The following FGGY variants were observed in gnomAD, a reference collection of about 807,000 sequenced individuals.
FGGY encodes the protein FGGY carbohydrate kinase domain-containing protein.
Under a neutral mutation model 71.3 loss-of-function variants are expected in FGGY, and 72 were observed. The ratio of observed to expected loss-of-function variants is 1.01; its 90% CI spans 0.84 to 1.23. FGGY has a LOEUF of 1.23. Among genes scored for constraint, FGGY ranks in the 50% most tolerant of loss-of-function variants. The pLI is 0.00. For synonymous variants in FGGY, 251 were observed against 250.3 expected (o/e 1.00, Z -0.02); for missense variants, 668 against 682.3 (o/e 0.98, Z 0.23).
intron 7 of FGGY, among the ~76,000 whole-genome samples, chr1:59,529,454 G>T (rs1259057244): frequency 6.6e-6 from 1 of 152,134 alleles, no homozygotes; most frequent in Admixed American, 6.5e-5. Flanking sequence ...GAATGAATCT[G>T]GGAGAATAGG....
intron 5 of FGGY, among the ~76,000 whole-genome samples, chr1:59,430,856 C>T (rs1266554987): frequency 6.6e-6 from 1 of 152,182 alleles, no homozygotes; most frequent in Non-Finnish European, 1.5e-5. Context: ...CTTAAGGGCA[C>T]ACTTTTCATT....
At chr1:59,647,389 A>G (rs1317365990) in intron 11 of FGGY, among the ~76,000 whole-genome samples, 2 of 152,202 alleles carry the variant, frequency 1.3e-5, no homozygotes, top group Non-Finnish European at 2.9e-5. Context: ...GAATTCACCA[A>G]TAGAGTAAGG....
intron 2 of FGGY, among the ~76,000 whole-genome samples, chr1:59,338,703 T>A (rs555755495): frequency 3.3e-5 from 5 of 152,162 alleles, no homozygotes; most frequent in Non-Finnish European, 7.4e-5. Context: ...GTATTTCATT[T>A]TACAAACATG....
intron 4 of FGGY, among the ~76,000 whole-genome samples, 170 bp downstream of exon 4, chr1:59,346,568 T>C (rs1274084776): frequency 2.0e-5 from 3 of 152,176 alleles, no homozygotes; most frequent in Admixed American, 6.5e-5. Context: ...AAATCACACC[T>C]GTTTTTATGT....
In FGGY at chr1:59,450,376, G is replaced by T. The variant is rs372024305; in HGVS notation, c.555-6585G>T. ...AAGATTTAAATTCAATTTTTTTAAA[G>T]AAATTTATGTCTGTTGTATTTACTC... is the stretch of plus-strand genomic sequence containing the variant. On this transcript the variant is annotated intron_variant, in intron 5 of 15. Transcript: ENST00000303721. Among the ~76,000 whole-genome samples the T allele has an allele frequency of 3.3e-5, 5 of 152,164 alleles. No homozygotes were observed. The East Asian group carries it at 9.6e-4, about 29-fold the overall frequency.
chr1:59,516,115 C>A (rs1422231295), intron 7 of FGGY, among the ~76,000 whole-genome samples: 4 of 152,118 alleles, frequency 2.6e-5, no homozygotes, highest in Non-Finnish European at 5.9e-5. Context: ...ATGCCTCTTT[C>A]TTTACCCTTC....
chr1:59,340,183 G>A, intron 3 of FGGY, 114 bp downstream of exon 3: 4 of 694,684 alleles, frequency 5.8e-6, no homozygotes, highest in Non-Finnish European at 9.8e-6. Context: ...AAAATTTAGA[G>A]GTAGAGTGAA....
Position 59,641,670 on chromosome 1 carries a change from T to A in FGGY, c.1221+3295T>A, listed in dbSNP as rs1189082858. ...AGCCTTTTTCTGCTTCTCTTGAAAA[T>A]ATTTGTAAAAATGCAAAAAAGTCAT... On this transcript the variant is annotated intron_variant, in intron 11 of 15. Coordinates refer to ENST00000303721, the MANE Select transcript of FGGY (RefSeq NM_018291.5). Among the ~76,000 whole-genome samples the A allele has an allele frequency of 2.0e-5, 3 of 152,312 alleles. No individual in the cohort carries two copies. In the East Asian group the frequency reaches 5.8e-4, roughly 29 times the overall value.
At chr1:59,629,896 A>G (rs2096892699) in intron 10 of FGGY, among the ~76,000 whole-genome samples, 1 of 152,206 alleles carries the variant, frequency 6.6e-6, no homozygotes, top group Non-Finnish European at 1.5e-5. Context: ...TTGTAAACTG[A>G]ATTGTGACAA....
intron 5 of FGGY, among the ~76,000 whole-genome samples, chr1:59,403,714 T>C (rs1484897388): frequency 1.3e-5 from 2 of 152,122 alleles, no homozygotes; most frequent in Non-Finnish European, 2.9e-5. Flanking sequence ...TTGGGGAGCA[T>C]TTAGAGAAGA....
At chr1:59,392,982 C>T (rs1004389743) in intron 5 of FGGY, among the ~76,000 whole-genome samples, 5 of 152,138 alleles carry the variant, frequency 3.3e-5, no homozygotes, top group Non-Finnish European at 5.9e-5. Flanking sequence ...TTTTCAAAAG[C>T]GGAGCACTCT....
In FGGY at chr1:59,334,181, C is replaced by T. The variant is rs539608788; in HGVS notation, c.202-5777C>T. On this transcript the variant is annotated intron_variant, in intron 2 of 15. Coordinates refer to ENST00000303721, the MANE Select transcript of FGGY (RefSeq NM_018291.5). Reference sequence around the variant, plus strand: ...TTTTTGAGATGGAGTCTCATTCTGTCGCCCAGGCTGGAGTACAGTTGCATG... The same window carrying T: ...TTTTTGAGATGGAGTCTCATTCTGTTGCCCAGGCTGGAGTACAGTTGCATG... Among the ~76,000 whole-genome samples the T allele has an allele frequency of 5.8e-4, 89 of 152,206 alleles. 1 individual carries two copies. Among genetic ancestry groups the T allele is most frequent in the African/African-American group, 1.9e-3 (79 of 41,530 alleles).
At chr1:59,410,978 C>T (rs947679480) in intron 5 of FGGY, among the ~76,000 whole-genome samples, 2 of 152,202 alleles carry the variant, frequency 1.3e-5, no homozygotes, top group African/African-American at 2.4e-5. Flanking sequence ...CTCCTACCAA[C>T]ATCTTACATA....
chr1:59,486,674 T>C (rs146253899), intron 6 of FGGY, among the ~76,000 whole-genome samples: 24 of 152,258 alleles, frequency 1.6e-4, no homozygotes, highest in African/African-American at 5.5e-4. Context: ...TACCTTCTTA[T>C]CCTCCTGGTC....
chr1:59,659,527 A>T (rs1031911646), intron 11 of FGGY, among the ~76,000 whole-genome samples: 1 of 152,206 alleles, frequency 6.6e-6, no homozygotes, highest in African/African-American at 2.4e-5. Context: ...TGAAGAACCC[A>T]GCAGCCCTCA....
At chr1:59,298,073 T>G (rs893297322) in intron 1 of FGGY, among the ~76,000 whole-genome samples, 1 of 152,250 alleles carries the variant, frequency 6.6e-6, no homozygotes, top group Admixed American at 6.5e-5. Flanking sequence ...GGCTGTTATT[T>G]AAATGGTAGA....
intron 3 of FGGY, among the ~76,000 whole-genome samples, chr1:59,341,758 T>G (rs541429062): frequency 6.6e-6 from 1 of 152,330 alleles, no homozygotes; most frequent in South Asian, 2.1e-4. Context: ...CATTCACTAA[T>G]TACAAGATGT....
intron 7 of FGGY, among the ~76,000 whole-genome samples, chr1:59,516,457 C>G (rs1472950752): frequency 6.6e-6 from 1 of 152,178 alleles, no homozygotes; most frequent in Non-Finnish European, 1.5e-5. Context: ...GACAGCTAAT[C>G]CCTGAGACAT....
At chr1:59,594,450 A>G (rs1158727062) in intron 8 of FGGY, among the ~76,000 whole-genome samples, 2 of 152,222 alleles carry the variant, frequency 1.3e-5, no homozygotes, top group African/African-American at 2.4e-5. Context: ...GAAGAAGCCA[A>G]GATTCAAGAG....
Sources: gnomAD v4.1 joint callset for allele counts (sites outside exome capture counted in the v4.1 genomes callset) on GRCh38, gnomAD v4.1.1 for gene constraint, MANE v1.5 for transcripts, NCBI Gene and HGNC (gene_info 2026-07-23, HGNC 2026-07-21) for gene names.